Variants in MIS18A observed in about 807,000 individuals in gnomAD.
MIS18A encodes protein Mis18-alpha.
A neutral mutation model predicts 25.0 loss-of-function variants in MIS18A; 14 were observed. The ratio of observed to expected loss-of-function variants is 0.56; its 90% CI spans 0.37 to 0.88. The LOEUF (loss-of-function observed/expected upper bound fraction) is 0.88, where lower values mean the gene tolerates loss of function less well. MIS18A is among the 40% of genes least tolerant of loss of function. The pLI, the probability that MIS18A is intolerant of heterozygous loss-of-function variation, is 0.00. For missense variants in MIS18A, 292 were observed against 290.8 expected, an observed-to-expected ratio of 1.00 and a Z score of -0.03; for synonymous variants, 134 against 118.6, an observed-to-expected ratio of 1.13 and a Z score of -0.84.
chr21:32,199,208 C>T, the MIS18A span, among the ~76,000 whole-genome samples: 2 of 152,016 alleles, frequency 1.3e-5, no homozygotes, highest in Non-Finnish European at 2.9e-5. Flanking sequence ...GCGCTTTTAA[C>T]AGGTTTAGGT....
At chr21:32,166,252 A>C in the MIS18A span, among the ~76,000 whole-genome samples, 2 of 152,246 alleles carry the variant, frequency 1.3e-5, no homozygotes, top group African/African-American at 4.8e-5. Context: ...CAAAAATGTT[A>C]AAAATCAACC....
the MIS18A span, among the ~76,000 whole-genome samples, chr21:32,192,581 C>T: frequency 6.6e-6 from 1 of 152,186 alleles, no homozygotes; most frequent in Non-Finnish European, 1.5e-5. Flanking sequence ...CTCACATGGT[C>T]TCTCGTGGAT....
the MIS18A span, among the ~76,000 whole-genome samples, chr21:32,159,595 G>A: frequency 6.6e-6 from 1 of 152,188 alleles, no homozygotes; most frequent in Non-Finnish European, 1.5e-5. Flanking sequence ...ACCATGACCT[G>A]TGACACAGCT....
the MIS18A span, among the ~76,000 whole-genome samples, chr21:32,228,291 G>T: frequency 6.6e-6 from 1 of 152,142 alleles, no homozygotes; most frequent in Non-Finnish European, 1.5e-5. Flanking sequence ...GTTTCACTAT[G>T]TTGGTCAGGC....
chr21:32,277,939 A>C (rs1313394181), intron 1 of MIS18A: 1 of 152,250 alleles, frequency 6.6e-6, no homozygotes, highest in African/African-American at 2.4e-5. Flanking sequence ...CATTTACGGC[A>C]TTCAAAGACA....
chr21:32,236,539 G>A, the MIS18A span, among the ~76,000 whole-genome samples: 1 of 152,114 alleles, frequency 6.6e-6, no homozygotes, highest in Non-Finnish European at 1.5e-5. Context: ...GCAGCTCAAT[G>A]GCATAGCTCT....
chr21:32,188,624 G>A, the MIS18A span, among the ~76,000 whole-genome samples: 1 of 152,280 alleles, frequency 6.6e-6, no homozygotes, highest in Non-Finnish European at 1.5e-5. Flanking sequence ...GTCCTTTGCT[G>A]GGAGCAGAAA....
At chr21:32,271,085 G>A (rs1282060560) in intron 2 of MIS18A, among the ~76,000 whole-genome samples, 2 of 152,102 alleles carry the variant, frequency 1.3e-5, no homozygotes, top group South Asian at 4.1e-4. Context: ...CTTCATTCTA[G>A]TTACCTCTCA....
the MIS18A span, among the ~76,000 whole-genome samples, chr21:32,159,812 G>C: frequency 6.6e-6 from 1 of 152,220 alleles, no homozygotes; most frequent in Non-Finnish European, 1.5e-5. Flanking sequence ...GTTATCTGAA[G>C]ACCTAGTCAA....
chr21:32,221,304 G>A, the MIS18A span, among the ~76,000 whole-genome samples: 1 of 152,190 alleles, frequency 6.6e-6, no homozygotes, highest in African/African-American at 2.4e-5. Flanking sequence ...CTACAAGCCA[G>A]AAGAGAATGG....
the MIS18A span, among the ~76,000 whole-genome samples, chr21:32,173,962 T>TG: frequency 3.5e-5 from 1 of 28,200 alleles, no homozygotes; most frequent in African/African-American, 2.5e-4. Context: ...TAAGTTTTTT[T>TG]TTTTTTTTTT....
chr21:32,228,150 G>A, the MIS18A span, among the ~76,000 whole-genome samples: 15 of 152,136 alleles, frequency 9.9e-5, no homozygotes, highest in African/African-American at 3.1e-4. Flanking sequence ...GTGCAGTGGC[G>A]CCATCACGGC....
At chr21:32,185,623 C>A in the MIS18A span, among the ~76,000 whole-genome samples, 4 of 152,252 alleles carry the variant, frequency 2.6e-5, no homozygotes, top group Admixed American at 2.6e-4. Flanking sequence ...GAGAGGAGCT[C>A]TTGATAGAGT....
chr21:32,155,082 T>C, the MIS18A span, among the ~76,000 whole-genome samples: 21 of 152,302 alleles, frequency 1.4e-4, no homozygotes, highest in Admixed American at 4.6e-4. Flanking sequence ...CCACTTATCA[T>C]TGGGAGTATT....
the MIS18A span, among the ~76,000 whole-genome samples, chr21:32,207,890 G>T: frequency 6.6e-6 from 1 of 152,154 alleles, no homozygotes; most frequent in African/African-American, 2.4e-5. Context: ...CTGTGCAATG[G>T]CATAGGGGCC....
the MIS18A span, among the ~76,000 whole-genome samples, chr21:32,247,534 T>A: frequency 1.3e-5 from 2 of 152,126 alleles, no homozygotes; most frequent in African/African-American, 2.4e-5. Flanking sequence ...CCACAAAAAA[T>A]TCATATGTTA....
the MIS18A span, among the ~76,000 whole-genome samples, chr21:32,224,133 TA>T: frequency 1.3e-5 from 2 of 151,670 alleles, no homozygotes; most frequent in African/African-American, 4.9e-5. Flanking sequence ...TATTTCAAAA[TA>T]ATAAGAGCTA....
At chr21:32,275,244 T>G (rs534302596) in intron 1 of MIS18A, among the ~76,000 whole-genome samples, 17 of 152,188 alleles carry the variant, frequency 1.1e-4, no homozygotes, top group African/African-American at 4.1e-4. Flanking sequence ...TAAGAAAAAT[T>G]TTAAAAGGTT....
the MIS18A span, among the ~76,000 whole-genome samples, chr21:32,228,607 T>TAC: frequency 7.8e-4 from 118 of 152,182 alleles, no homozygotes; most frequent in African/African-American, 2.6e-3. Context: ...TCCTAAGGAA[T>TAC]ACACACACAC....
Sources: gnomAD v4.1 joint callset for allele counts (sites outside exome capture counted in the v4.1 genomes callset) on GRCh38, gnomAD v4.1.1 for gene constraint, MANE v1.5 for transcripts, NCBI Gene and HGNC (gene_info 2026-07-23, HGNC 2026-07-21) for gene names.